Variants in NRXN1 observed in about 807,000 individuals in gnomAD.
The protein encoded by NRXN1 is neurexin 1.
Under a neutral mutation model 150.9 loss-of-function variants are expected in NRXN1, and 39 were observed. That is an observed-to-expected ratio of 0.26 (90% CI 0.20 to 0.34). The LOEUF (loss-of-function observed/expected upper bound fraction) is 0.34. Ranked by LOEUF, NRXN1 falls within the 10% of genes least tolerant of loss-of-function variation. The pLI is 1.00. For synonymous variants in NRXN1, 924 were observed against 757.0 expected (o/e 1.22, Z -3.62); for missense variants, 1,815 against 1,949.9 (o/e 0.93, Z 1.30).
Position 49,922,158 on chromosome 2 carries a change from A to G in NRXN1, c.4310T>C (p.Ile1437Thr). 1 of 1,614,148 alleles carries G rather than the reference A, an allele frequency of 6.2e-7. No individual in the cohort carries two copies. The highest frequency in any genetic ancestry group is 8.5e-7 in the Non-Finnish European group (1 of 1,180,026). ...GATGCACAGGGCGGCAGCGGCTACT[A>G]TCCCAACGACCATACCCGTGGTGCT... ...SSSTTGMVVG[I>T]VAAAALCILI... The change falls in exon 23 of 23, where the codon ATA becomes ACA. Residue 1437 changes from isoleucine to threonine, a missense_variant. Physicochemically the swap from Ile to Thr is moderately conservative, Grantham distance 89. Around this residue, in one of 6 missense-constraint regions of NRXN1, gnomAD observed 265 missense variants for 307.1 expected, o/e 0.86. Coordinates refer to ENST00000401669, the MANE Select transcript of NRXN1 (RefSeq NM_001330078.2).
At chr2:50,468,933 T>A (rs1240397453) in intron 16 of NRXN1, among the ~76,000 whole-genome samples, 1 of 151,636 alleles carries the variant, frequency 6.6e-6, no homozygotes, top group Admixed American at 6.6e-5. Context: ...TAGAGCTGAA[T>A]GTTACAGTTG....
chr2:50,287,311 C>A (rs2072319475), intron 17 of NRXN1, among the ~76,000 whole-genome samples: 1 of 152,010 alleles, frequency 6.6e-6, no homozygotes, highest in South Asian at 2.1e-4. Flanking sequence ...AATGTTTAAT[C>A]CTTCTTTATG....
At chr2:50,689,434 T>C (rs868633486) in intron 5 of NRXN1, among the ~76,000 whole-genome samples, 5 of 152,172 alleles carry the variant, frequency 3.3e-5, no homozygotes, top group African/African-American at 1.2e-4. Flanking sequence ...CCAAGACAAT[T>C]TTACTCTAAA....
intron 13 of NRXN1, among the ~76,000 whole-genome samples, chr2:50,504,661 A>G (rs1023933527): frequency 1.3e-5 from 2 of 152,330 alleles, no homozygotes; most frequent in East Asian, 1.9e-4. Flanking sequence ...ACCCTAGACC[A>G]TCCAAAACAC....
chr2:50,161,522 T>C (rs1389333093), intron 18 of NRXN1, among the ~76,000 whole-genome samples: 3 of 152,170 alleles, frequency 2.0e-5, no homozygotes, highest in Non-Finnish European at 1.5e-5. Context: ...GTTAAGATGA[T>C]CTTACTAACA....
intron 17 of NRXN1, among the ~76,000 whole-genome samples, chr2:50,374,640 T>C (rs2080351337): frequency 6.6e-6 from 1 of 152,116 alleles, no homozygotes; most frequent in Non-Finnish European, 1.5e-5. Flanking sequence ...ACTTACCTTA[T>C]TTGATCAAAA....
chr2:50,089,719 G>C (rs1364876506), intron 19 of NRXN1, among the ~76,000 whole-genome samples: 3 of 151,676 alleles, frequency 2.0e-5, no homozygotes, highest in African/African-American at 7.3e-5. Flanking sequence ...GAGCCCAGGA[G>C]TTTGAGGTTA....
intron 21 of NRXN1, among the ~76,000 whole-genome samples, chr2:49,953,802 T>C (rs1162226838): frequency 1.3e-5 from 2 of 152,076 alleles, no homozygotes; most frequent in Admixed American, 6.6e-5. Flanking sequence ...TAAATTATTA[T>C]TATAGAAAAC....
At chr2:50,301,289 T>G (rs1005430494) in intron 17 of NRXN1, among the ~76,000 whole-genome samples, 1 of 152,180 alleles carries the variant, frequency 6.6e-6, no homozygotes, top group African/African-American at 2.4e-5. Context: ...ACTCATTACA[T>G]AAGACTATAA....
At chr2:49,985,329 C>A (rs1261976477) in intron 21 of NRXN1, among the ~76,000 whole-genome samples, 2 of 152,100 alleles carry the variant, frequency 1.3e-5, no homozygotes, top group Non-Finnish European at 2.9e-5. Flanking sequence ...TGACATAACT[C>A]ATTCACCGTG....
intron 19 of NRXN1, among the ~76,000 whole-genome samples, chr2:50,080,540 T>C (rs1368382952): frequency 6.6e-6 from 1 of 152,086 alleles, no homozygotes; most frequent in Admixed American, 6.5e-5. Context: ...TTCACAATCA[T>C]GAGATGATTC....
At chr2:50,252,469 G>A (rs1373516794) in intron 17 of NRXN1, among the ~76,000 whole-genome samples, 2 of 151,708 alleles carry the variant, frequency 1.3e-5, no homozygotes, top group Non-Finnish European at 2.9e-5. Flanking sequence ...ATGTTAGCCA[G>A]GCTGGTCTCA....
rs370001478 is a variant in NRXN1, at chr2:50,783,337, T to C, written c.832+138532A>G. 3.4e-4 allele frequency among the ~76,000 whole-genome samples: 51 copies of C among 152,202 alleles called. 1 individual carries two copies. In the South Asian group the frequency reaches 4.0e-3, roughly 12 times the overall value. Reference sequence around the variant, plus strand: ...TGCTCAGCCAGCATGGGGATTCTGTTAAATTGTGGGTGTAGCTGATATTCT... The same window carrying C: ...TGCTCAGCCAGCATGGGGATTCTGTCAAATTGTGGGTGTAGCTGATATTCT... On this transcript the variant is annotated intron_variant, in intron 5 of 22. Transcript: ENST00000401669.
intron 18 of NRXN1, among the ~76,000 whole-genome samples, chr2:50,100,577 G>C (rs1391365126): frequency 6.6e-6 from 1 of 152,016 alleles, no homozygotes; most frequent in Non-Finnish European, 1.5e-5. Flanking sequence ...TATTTGAGAA[G>C]ACATTCTCAA....
intron 5 of NRXN1, chr2:50,912,833 C>T (rs1025103475): frequency 2.7e-5 from 4 of 150,942 alleles, no homozygotes; most frequent in African/African-American, 7.3e-5. Flanking sequence ...AACTGGCATT[C>T]GTTCTATAAA....
chr2:50,718,301 A>C (rs1052914961), intron 5 of NRXN1, among the ~76,000 whole-genome samples: 1 of 152,156 alleles, frequency 6.6e-6, no homozygotes, highest in East Asian at 1.9e-4. Context: ...GCACAAAAAA[A>C]ATTTGGCTTA....
intron 9 of NRXN1, among the ~76,000 whole-genome samples, chr2:50,540,445 A>G (rs145289530): frequency 1.1e-3 from 160 of 152,284 alleles, no homozygotes; most frequent in African/African-American, 3.7e-3. Context: ...TGGAACGATC[A>G]TTACACGCAT....
At chr2:50,824,252 G>C (rs1275898054) in intron 5 of NRXN1, among the ~76,000 whole-genome samples, 1 of 151,974 alleles carries the variant, frequency 6.6e-6, no homozygotes, top group African/African-American at 2.4e-5. Flanking sequence ...TGAATAAACA[G>C]AGAAAAATAT....
intron 8 of NRXN1, among the ~76,000 whole-genome samples, chr2:50,603,373 G>A (rs1211850852): frequency 2.6e-5 from 4 of 152,122 alleles, no homozygotes; most frequent in Admixed American, 2.6e-4. Flanking sequence ...CGTGGGCAGA[G>A]GCAGACTTTT....
Sources: allele counts gnomAD v4.1 joint callset (sites outside exome capture counted in the v4.1 genomes callset), GRCh38; gene constraint gnomAD v4.1.1; regional missense constraint gnomAD v4.1.1; transcripts MANE v1.5; gene names NCBI Gene and HGNC (gene_info 2026-07-23, HGNC 2026-07-21).